The following NTM variants were observed in gnomAD, a reference collection of about 807,000 sequenced individuals.
The protein encoded by NTM is neurotrimin.
A neutral mutation model predicts 42.1 loss-of-function variants in NTM; 13 were observed. The ratio of observed to expected loss-of-function variants is 0.31; its 90% CI spans 0.20 to 0.49. The LOEUF is 0.49. Among genes scored for constraint, NTM ranks in the 20% least tolerant of loss-of-function variants. The probability of loss-of-function intolerance (pLI) is 0.99; values close to 1 mark genes in which losing one functional copy is unlikely to be tolerated. For synonymous variants in NTM, 187 were observed against 179.2 expected, an observed-to-expected ratio of 1.04 and a Z score of -0.35; for missense variants, 373 against 452.8, an observed-to-expected ratio of 0.82 and a Z score of 1.60.
intron 1 of NTM, among the ~76,000 whole-genome samples, chr11:131,787,583 A>G (rs1234188031): frequency 6.6e-6 from 1 of 151,856 alleles, no homozygotes; most frequent in East Asian, 1.9e-4. Context: ...ACGGGGTTTC[A>G]CCATGTTGGC....
At chr11:132,119,277 G>T (rs1376094042) in intron 2 of NTM, among the ~76,000 whole-genome samples, 1 of 152,190 alleles carries the variant, frequency 6.6e-6, no homozygotes, top group Non-Finnish European at 1.5e-5. Flanking sequence ...ATGGCTGAAG[G>T]GTGCACTGCT....
intron 2 of NTM, among the ~76,000 whole-genome samples, chr11:132,104,145 A>G (rs1356330503): frequency 1.3e-5 from 2 of 152,178 alleles, no homozygotes; most frequent in African/African-American, 2.4e-5. Flanking sequence ...TGTTTGTTGC[A>G]CTAGAAAGAA....
chr11:131,738,568 T>C (rs2080785616), intron 1 of NTM, among the ~76,000 whole-genome samples: 1 of 152,232 alleles, frequency 6.6e-6, no homozygotes. Flanking sequence ...TCTAGAGGAA[T>C]TTTCAGGGAA....
At chr11:131,725,950 C>G (rs534672461) in intron 1 of NTM, among the ~76,000 whole-genome samples, 1 of 152,254 alleles carries the variant, frequency 6.6e-6, no homozygotes, top group Admixed American at 6.5e-5. Context: ...GCGTTACTAA[C>G]CAGTCTCTGG....
intron 1 of NTM, among the ~76,000 whole-genome samples, chr11:131,439,214 C>T (rs190055027): frequency 2.6e-5 from 4 of 152,270 alleles, no homozygotes; most frequent in Admixed American, 2.6e-4. Flanking sequence ...TATGAGGTGT[C>T]AGTCGGCCCC....
intron 1 of NTM, among the ~76,000 whole-genome samples, chr11:131,541,882 C>G (rs142653286): frequency 1.3e-5 from 2 of 152,322 alleles, no homozygotes; most frequent in African/African-American, 4.8e-5. Context: ...GCTATAACAT[C>G]TAAATTTATA....
chr11:132,308,851 TAAAAC>T (rs1034650265), intron 5 of NTM, among the ~76,000 whole-genome samples: 8 of 151,976 alleles, frequency 5.3e-5, no homozygotes, highest in African/African-American at 1.7e-4. Flanking sequence ...AAGATGAACT[TAAAAC>T]ATAAAGAAAC....
At chr11:132,186,912 G>A (rs534623144) in intron 3 of NTM, among the ~76,000 whole-genome samples, 23 of 152,296 alleles carry the variant, frequency 1.5e-4, no homozygotes, top group African/African-American at 4.6e-4. Context: ...GTGGCGCCCT[G>A]TGGAGTGCCC....
chr11:131,540,097 C>T (rs896599023), intron 1 of NTM, among the ~76,000 whole-genome samples: 1 of 149,982 alleles, frequency 6.7e-6, no homozygotes, highest in African/African-American at 2.4e-5. Flanking sequence ...TTAGAAAATG[C>T]ATAGCAACTC....
chr11:131,773,076 C>A (rs2086383081), intron 1 of NTM, among the ~76,000 whole-genome samples: 1 of 152,226 alleles, frequency 6.6e-6, no homozygotes, highest in Non-Finnish European at 1.5e-5. Context: ...GACTGAGTAT[C>A]TTATAAATAA....
intron 1 of NTM, among the ~76,000 whole-genome samples, chr11:131,621,178 C>T (rs1345939405): frequency 6.6e-6 from 1 of 152,096 alleles, no homozygotes. Context: ...TAAATGGTGG[C>T]CCAGGTATTA....
At chr11:131,797,793 G>C (rs768767366) in intron 1 of NTM, among the ~76,000 whole-genome samples, 2 of 152,090 alleles carry the variant, frequency 1.3e-5, no homozygotes, top group South Asian at 4.1e-4. Context: ...CAGATATTAA[G>C]TAATTATTGG....
At chr11:132,313,035 G>A (rs1255231780) in intron 6 of NTM, among the ~76,000 whole-genome samples, 14 of 152,202 alleles carry the variant, frequency 9.2e-5, no homozygotes, top group Non-Finnish European at 4.4e-5. Context: ...GGAGGCAGAT[G>A]TTGGGTGAGA....
chr11:131,433,132 C>T (rs1435745095), intron 1 of NTM, among the ~76,000 whole-genome samples: 2 of 152,106 alleles, frequency 1.3e-5, no homozygotes, highest in African/African-American at 4.8e-5. Flanking sequence ...GCTGGGATTA[C>T]AGGCGTGAGC....
chr11:131,575,278 T>C (rs938822966), intron 1 of NTM, among the ~76,000 whole-genome samples: 2 of 152,182 alleles, frequency 1.3e-5, no homozygotes, highest in African/African-American at 4.8e-5. Context: ...TAGACACACT[T>C]TAAACATCTT....
intron 1 of NTM, among the ~76,000 whole-genome samples, chr11:131,893,330 T>C (rs1478378884): frequency 6.6e-6 from 1 of 152,178 alleles, no homozygotes; most frequent in Admixed American, 6.5e-5. Flanking sequence ...TGAGTCAGTT[T>C]CCTCCTTCGT....
chr11:132,331,127 A>C (rs1941539798), intron 8 of NTM, among the ~76,000 whole-genome samples: 1 of 152,218 alleles, frequency 6.6e-6, no homozygotes, highest in African/African-American at 2.4e-5. Flanking sequence ...TCTTCTCTTT[A>C]TTCTCTGAAG....
intron 6 of NTM, 36 bp downstream of exon 6, chr11:132,310,268 C>T (rs1006917435): frequency 1.3e-6 from 2 of 1,536,280 alleles, no homozygotes; most frequent in East Asian, 2.4e-5. Flanking sequence ...ACCCCTACCC[C>T]CATCTCCAGG....
chr11:132,085,566 T>C (rs921446409), intron 2 of NTM, among the ~76,000 whole-genome samples: 1 of 152,248 alleles, frequency 6.6e-6, no homozygotes, highest in African/African-American at 2.4e-5. Flanking sequence ...TTTAAGACTG[T>C]TTTTATTTCT....
Sources: gnomAD v4.1 joint callset for allele counts (sites outside exome capture counted in the v4.1 genomes callset) on GRCh38, gnomAD v4.1.1 for gene constraint, MANE v1.5 for transcripts, NCBI Gene and HGNC (gene_info 2026-07-23, HGNC 2026-07-21) for gene names.